Variants in NKAIN3 observed in about 807,000 individuals in gnomAD.
NKAIN3 encodes sodium/potassium-transporting ATPase subunit beta-1-interacting protein 3.
Under a neutral mutation model 30.2 loss-of-function variants are expected in NKAIN3, and 25 were observed. The observed-to-expected ratio is 0.83, with a 90% confidence interval of 0.60 to 1.16. The LOEUF is 1.16. Ranked by LOEUF, NKAIN3 falls within the 50% of genes most tolerant of loss-of-function variation. NKAIN3 has a pLI of 0.00. For missense variants in NKAIN3, 225 were observed against 254.1 expected, an observed-to-expected ratio of 0.89 and a Z score of 0.78; for synonymous variants, 91 against 89.6, an observed-to-expected ratio of 1.02 and a Z score of -0.09.
chr8:62,510,016 G>T (rs1416571791), intron 1 of NKAIN3, among the ~76,000 whole-genome samples: 2 of 152,134 alleles, frequency 1.3e-5, no homozygotes, highest in Non-Finnish European at 2.9e-5. Context: ...GAGATGAGAA[G>T]TGAGGAGTAA....
At chr8:62,901,851 C>G (rs1444655934) in intron 4 of NKAIN3, among the ~76,000 whole-genome samples, 1 of 152,218 alleles carries the variant, frequency 6.6e-6, no homozygotes, top group African/African-American at 2.4e-5. Context: ...AGGGGCTGAA[C>G]AGTCTACTGA....
chr8:62,428,278 A>G (rs140062759), intron 1 of NKAIN3, among the ~76,000 whole-genome samples: 1 of 151,938 alleles, frequency 6.6e-6, no homozygotes, highest in Non-Finnish European at 1.5e-5. Flanking sequence ...TATCTTGACT[A>G]TTGTGAATGG....
chr8:62,294,692 C>G (rs533870182), intron 1 of NKAIN3, among the ~76,000 whole-genome samples: 1 of 149,088 alleles, frequency 6.7e-6, no homozygotes, highest in African/African-American at 2.6e-5. Flanking sequence ...CACGTGTCAC[C>G]ATGCTGGTAA....
intron 1 of NKAIN3, among the ~76,000 whole-genome samples, chr8:62,377,655 G>T (rs950275840): frequency 1.3e-5 from 2 of 151,910 alleles, no homozygotes; most frequent in South Asian, 2.1e-4. Flanking sequence ...ACATGGGGGT[G>T]GTTCCCCCCA....
At chr8:62,498,788 A>G (rs1305997344) in intron 1 of NKAIN3, among the ~76,000 whole-genome samples, 2 of 151,866 alleles carry the variant, frequency 1.3e-5, no homozygotes, top group Non-Finnish European at 2.9e-5. Flanking sequence ...GATAAGCAAG[A>G]CAGCAGCTCA....
intron 1 of NKAIN3, among the ~76,000 whole-genome samples, chr8:62,560,604 A>G (rs1162244755): frequency 7.9e-6 from 1 of 125,812 alleles, no homozygotes; most frequent in Admixed American, 1.1e-4. Context: ...CAATGGCATC[A>G]TCTCAGCTCA....
chr8:62,679,155 A>G (rs971656483), intron 3 of NKAIN3, among the ~76,000 whole-genome samples: 1 of 152,218 alleles, frequency 6.6e-6, no homozygotes, highest in African/African-American at 2.4e-5. Context: ...AATAGCAGCA[A>G]AGAGGTCATT....
At chr8:62,291,803 G>C (rs1033357597) in intron 1 of NKAIN3, among the ~76,000 whole-genome samples, 2 of 152,180 alleles carry the variant, frequency 1.3e-5, no homozygotes, top group Non-Finnish European at 2.9e-5. Flanking sequence ...TTTACATTCT[G>C]TCTCGTTGAT....
chr8:62,660,197 C>A (rs944386486), intron 3 of NKAIN3, among the ~76,000 whole-genome samples: 1 of 152,128 alleles, frequency 6.6e-6, no homozygotes, highest in Non-Finnish European at 1.5e-5. Flanking sequence ...CTTCAGGCCA[C>A]CAAGTTCCAG....
At chr8:62,501,542 C>T (rs1419757207) in intron 1 of NKAIN3, among the ~76,000 whole-genome samples, 1 of 152,094 alleles carries the variant, frequency 6.6e-6, no homozygotes, top group Non-Finnish European at 1.5e-5. Context: ...TGTTGTTGCT[C>T]TTGTTGTTCC....
At chr8:62,750,129 AG>A (rs1019598195) in intron 4 of NKAIN3, among the ~76,000 whole-genome samples, 1 of 152,006 alleles carries the variant, frequency 6.6e-6, no homozygotes, top group African/African-American at 2.4e-5. Context: ...AAGCAAATAG[AG>A]GGGCAGCTTC....
In NKAIN3 at chr8:62,976,642, C is replaced by A. The variant is rs1273478654; in HGVS notation, c.*11235C>A. Among the ~76,000 whole-genome samples, 1 of 152,130 alleles carries A rather than the reference C, an allele frequency of 6.6e-6. No individual in the cohort carries two copies. The highest frequency in any genetic ancestry group is 1.5e-5 in the Non-Finnish European group (1 of 68,030). On this transcript the variant is annotated 3_prime_UTR_variant, in exon 7 of 7. Transcript: ENST00000623646. ...GGGTTTTGACTCTTTATCCAATTTG[C>A]CAGTCTGTGCCTTTTAATTGGGGCA...
chr8:62,651,352 A>G (rs1812613640), intron 3 of NKAIN3, among the ~76,000 whole-genome samples: 1 of 152,184 alleles, frequency 6.6e-6, no homozygotes, highest in African/African-American at 2.4e-5. Flanking sequence ...ATCAAACAGG[A>G]ATAAAAAGAT....
intron 3 of NKAIN3, among the ~76,000 whole-genome samples, chr8:62,733,638 A>G (rs1211581548): frequency 6.6e-6 from 1 of 152,112 alleles, no homozygotes; most frequent in African/African-American, 2.4e-5. Context: ...CCATTCATTA[A>G]GTTTGAAAAT....
intron 1 of NKAIN3, among the ~76,000 whole-genome samples, chr8:62,475,341 G>T (rs1194580512): frequency 2.0e-5 from 3 of 152,110 alleles, no homozygotes. Context: ...TATTATGAAT[G>T]AATGAGAAAG....
At chr8:62,844,631 T>C (rs1819621835) in intron 4 of NKAIN3, among the ~76,000 whole-genome samples, 1 of 152,182 alleles carries the variant, frequency 6.6e-6, no homozygotes, top group South Asian at 2.1e-4. Context: ...TGAGCCTTAA[T>C]GGGAACACTT....
At chr8:62,573,625 G>T (rs16929191) in intron 1 of NKAIN3, among the ~76,000 whole-genome samples, 2,067 of 151,748 alleles carry the variant, frequency 0.014, 40 homozygotes, top group African/African-American at 0.043. Flanking sequence ...TCTTTATAGT[G>T]TACAGATTCT....
intron 4 of NKAIN3, among the ~76,000 whole-genome samples, chr8:62,768,460 A>G (rs1816913914): frequency 6.6e-6 from 1 of 152,224 alleles, no homozygotes; most frequent in Admixed American, 6.5e-5. Context: ...CAGACAAAGT[A>G]GAGACTTCTG....
chr8:62,798,864 A>G (rs1218506307), intron 4 of NKAIN3, among the ~76,000 whole-genome samples: 5 of 152,206 alleles, frequency 3.3e-5, no homozygotes, highest in Non-Finnish European at 7.3e-5. Flanking sequence ...AGATATCAAG[A>G]AAACATTGCT....
Sources: allele counts gnomAD v4.1 joint callset (sites outside exome capture counted in the v4.1 genomes callset), GRCh38; gene constraint gnomAD v4.1.1; transcripts MANE v1.5; gene names NCBI Gene and HGNC (gene_info 2026-07-23, HGNC 2026-07-21).